Variants in CACNB2 observed in about 807,000 individuals in gnomAD.
CACNB2 encodes the protein calcium voltage-gated channel auxiliary subunit beta 2, also known as voltage-dependent L-type calcium channel subunit beta-2.
A neutral mutation model predicts 73.3 loss-of-function variants in CACNB2; 42 were observed. That is an observed-to-expected ratio of 0.57 (90% confidence interval 0.45 to 0.74). The LOEUF (loss-of-function observed/expected upper bound fraction) is 0.74. Among genes scored for constraint, CACNB2 ranks in the 30% least tolerant of loss-of-function variants. The pLI, the probability that CACNB2 is intolerant of heterozygous loss-of-function variation, is 0.00. For missense variants in CACNB2, 940 were observed against 853.0 expected, an observed-to-expected ratio of 1.10 and a Z score of -1.27; for synonymous variants, 348 against 310.3, an observed-to-expected ratio of 1.12 and a Z score of -1.28.
intron 2 of CACNB2, among the ~76,000 whole-genome samples, chr10:18,350,326 A>T (rs1374473356): frequency 6.6e-6 from 1 of 152,226 alleles, no homozygotes; most frequent in Non-Finnish European, 1.5e-5. Context: ...GATCATCTCT[A>T]GTTGGCAGAT....
chr10:18,454,287 A>G lies in CACNB2; in HGVS notation c.334-44068A>G, dbSNP rs575105485. ...TTTCAAGGATCCCTAATAAGTACCTATATTGTGTTACTGTATTAACATTAA... is the reference window on the plus strand; with the variant it reads ...TTTCAAGGATCCCTAATAAGTACCTGTATTGTGTTACTGTATTAACATTAA... On this transcript the variant is annotated intron_variant, in intron 3 of 13. Coordinates refer to ENST00000324631, the MANE Select transcript of CACNB2 (RefSeq NM_201596.3). Among the ~76,000 whole-genome samples, 4 of 152,208 alleles carry G rather than the reference A, an allele frequency of 2.6e-5. No individual in the cohort carries two copies. The East Asian group carries it at 5.8e-4, about 22-fold the overall frequency.
chr10:18,537,634 G>C (rs1286888207), intron 12 of CACNB2, among the ~76,000 whole-genome samples: 1 of 151,940 alleles, frequency 6.6e-6, no homozygotes, highest in Non-Finnish European at 1.5e-5. Flanking sequence ...AAAATTAGCA[G>C]GGCTTGGTGG....
intron 2 of CACNB2, among the ~76,000 whole-genome samples, chr10:18,253,363 G>A (rs919146506): frequency 6.6e-6 from 1 of 152,158 alleles, no homozygotes; most frequent in African/African-American, 2.4e-5. Flanking sequence ...AATATATGCA[G>A]TTCATTAGAT....
chr10:18,533,413 C>A (rs10828859), intron 10 of CACNB2: 100,092 of 152,258 alleles, frequency 0.66, 33,504 homozygotes, highest in East Asian at 0.97. Context: ...AACTGAATGC[C>A]ATTTTCTCGG....
chr10:18,464,423 A>AAAAAAAAAT (rs1564578949), intron 3 of CACNB2, among the ~76,000 whole-genome samples: 2 of 109,306 alleles, frequency 1.8e-5, no homozygotes, highest in Non-Finnish European at 3.6e-5. Context: ...AAAATTAAAA[A>AAAAAAAAAT]AAAAAAAAAA....
intron 3 of CACNB2, among the ~76,000 whole-genome samples, chr10:18,441,313 GA>G (rs2046399489): frequency 6.6e-6 from 1 of 152,166 alleles, no homozygotes; most frequent in South Asian, 2.1e-4. Flanking sequence ...GCTGAGGCAG[GA>G]GAATTGCTTG....
In CACNB2 at chr10:18,540,383, A is replaced by G. The variant is rs1370109099; in HGVS notation, c.*659A>G. On this transcript the variant is annotated 3_prime_UTR_variant, in exon 14 of 14. Coordinates refer to ENST00000324631, the MANE Select transcript of CACNB2 (RefSeq NM_201596.3). Reference sequence around the variant, plus strand: ...ACACTATTTTAGAGTCTTAATGCCAAGTCAGCAGATTTGCTTTATGAATTA... The same window carrying G: ...ACACTATTTTAGAGTCTTAATGCCAGGTCAGCAGATTTGCTTTATGAATTA... The G allele has an allele frequency of 2.0e-5, 3 of 152,354 alleles. No homozygotes were observed. The highest frequency in any genetic ancestry group is 7.2e-5 in the African/African-American group (3 of 41,402). The allele number at this position is 152,354 out of a possible 1,614,324, so 9.4% of individuals were successfully genotyped here. A position where few individuals can be genotyped will look rare whatever the true frequency, so the allele number is the denominator to read the frequency against.
At chr10:18,406,656 ATTGTAAG>A (rs1176041450) in intron 3 of CACNB2, among the ~76,000 whole-genome samples, 1 of 152,166 alleles carries the variant, frequency 6.6e-6, no homozygotes, top group Non-Finnish European at 1.5e-5. Flanking sequence ...ATTCTACATG[ATTGTAAG>A]TTGTATAATT....
At chr10:18,393,389 C>T (rs2043574251) in intron 2 of CACNB2, among the ~76,000 whole-genome samples, 1 of 152,058 alleles carries the variant, frequency 6.6e-6, no homozygotes, top group African/African-American at 2.4e-5. Context: ...AAAATGGTTC[C>T]TTTGGACAAT....
At chr10:18,248,743 C>T (rs1000259606) in intron 2 of CACNB2, among the ~76,000 whole-genome samples, 2 of 152,198 alleles carry the variant, frequency 1.3e-5, no homozygotes, top group African/African-American at 4.8e-5. Flanking sequence ...TTTGATAGCC[C>T]ATCACCTCCT....
At chr10:18,312,130 G>A (rs998557852) in intron 2 of CACNB2, among the ~76,000 whole-genome samples, 4 of 151,868 alleles carry the variant, frequency 2.6e-5, no homozygotes, top group African/African-American at 7.3e-5. Context: ...GTAAATCTTA[G>A]GAAACAAATT....
chr10:18,331,459 A>AAG (rs2040803231), intron 2 of CACNB2, among the ~76,000 whole-genome samples: 1 of 142,962 alleles, frequency 7.0e-6, no homozygotes, highest in East Asian at 2.0e-4. Context: ...ATCTCATTTA[A>AAG]AAAAAAAAAA....
intron 3 of CACNB2, among the ~76,000 whole-genome samples, chr10:18,473,641 T>C (rs1589459011): frequency 2.6e-5 from 4 of 152,188 alleles, no homozygotes; most frequent in Admixed American, 2.0e-4. Context: ...GGTGTGTTAG[T>C]AAGGGATGCC....
intron 1 of CACNB2, among the ~76,000 whole-genome samples, chr10:18,145,840 C>T (rs1401642005): frequency 6.6e-6 from 1 of 152,152 alleles, no homozygotes; most frequent in Non-Finnish European, 1.5e-5. Flanking sequence ...TCTTACTGAT[C>T]TTTCCAAGCC....
At chr10:18,514,652 G>T in intron 7 of CACNB2, 1 of 1,187,144 alleles carries the variant, frequency 8.4e-7, no homozygotes. Context: ...ACAGCTAATT[G>T]AGTTCATGCA....
chr10:18,387,209 C>T (rs1242046353), intron 2 of CACNB2, among the ~76,000 whole-genome samples: 2 of 152,186 alleles, frequency 1.3e-5, no homozygotes, highest in Non-Finnish European at 2.9e-5. Flanking sequence ...TGACTGTTTC[C>T]TGCCAGCTGC....
intron 3 of CACNB2, among the ~76,000 whole-genome samples, chr10:18,421,186 C>G (rs1287639212): frequency 1.3e-5 from 2 of 151,484 alleles, no homozygotes; most frequent in Non-Finnish European, 2.9e-5. Context: ...ACTCAATAAT[C>G]TTAGCCCTTG....
At chr10:18,272,301 T>C (rs1230442991) in intron 2 of CACNB2, among the ~76,000 whole-genome samples, 1 of 152,182 alleles carries the variant, frequency 6.6e-6, no homozygotes, top group Non-Finnish European at 1.5e-5. Flanking sequence ...CAGGGCAAGA[T>C]GTCAAGGAAT....
chr10:18,364,759 T>A (rs1437192897), intron 2 of CACNB2, among the ~76,000 whole-genome samples: 1 of 152,224 alleles, frequency 6.6e-6, no homozygotes, highest in Non-Finnish European at 1.5e-5. Flanking sequence ...CTCTCCTTGC[T>A]TTAGATATCT....
Sources: gnomAD v4.1 joint callset for allele counts (sites outside exome capture counted in the v4.1 genomes callset) on GRCh38, gnomAD v4.1.1 for gene constraint, MANE v1.5 for transcripts, NCBI Gene and HGNC (gene_info 2026-07-23, HGNC 2026-07-21) for gene names.